EXOC3L4: variants seen among roughly 807,000 people sequenced by gnomAD.
The protein encoded by EXOC3L4 is exocyst complex component 3 like 4.
In EXOC3L4, 62 loss-of-function variants were observed where a neutral mutation model predicts 69.7. The ratio of observed to expected loss-of-function variants is 0.89; its 90% confidence interval spans 0.72 to 1.10. EXOC3L4 has a LOEUF of 1.10. EXOC3L4 is among the 50% of genes least tolerant of loss of function. EXOC3L4 has a pLI of 0.00. For synonymous variants in EXOC3L4, 502 were observed against 464.2 expected, an observed-to-expected ratio of 1.08 and a Z score of -1.05; for missense variants, 1,087 against 1,034.8, an observed-to-expected ratio of 1.05 and a Z score of -0.69.
At chr14:103,109,922 A>C in intron 11 of EXOC3L4, 109 bp from the exon 12 acceptor site, 1 of 1,192,442 alleles carries the variant, frequency 8.4e-7, no homozygotes, top group Non-Finnish European at 1.2e-6. Flanking sequence ...ACCATCCTGG[A>C]ATGCAGAGTG....
intron 1 of EXOC3L4, among the ~76,000 whole-genome samples, chr14:103,096,844 G>A (rs1043767828): frequency 1.3e-5 from 2 of 152,312 alleles, no homozygotes; most frequent in African/African-American, 4.8e-5. Flanking sequence ...AGCATTGAGG[G>A]GGCCTGGGAA....
chr14:103,109,209 TCTCC>T (rs1315767288), intron 11 of EXOC3L4, among the ~76,000 whole-genome samples: 1 of 55,352 alleles, frequency 1.8e-5, no homozygotes, highest in Non-Finnish European at 3.4e-5. Context: ...TGTCCCCATG[TCTCC>T]CTCCCTCCCT....
chr14:103,104,422 GTCTGT>G (rs1800706722), intron 5 of EXOC3L4, 33 bp downstream of exon 5: 1 of 1,523,718 alleles, frequency 6.6e-7, no homozygotes, highest in South Asian at 1.2e-5. Flanking sequence ...GAGAAGGGGC[GTCTGT>G]TCAAGCCTCA....
In EXOC3L4 at chr14:103,106,887, G is replaced by T; in HGVS notation, c.1569G>T (p.Gln523His). Residue 523 changes from glutamine (Q) to histidine (H), a missense_variant, in exon 8 of 12, where the codon CAG (glutamine) becomes CAT (histidine). Physicochemically the swap from Gln to His is conservative, Grantham distance 24. Transcript: ENST00000688303. ...SFQKHLLQGLQRELQPLFRVV... is the reference protein window; with the variant it reads ...SFQKHLLQGLHRELQPLFRVV... ...AGAAGCACTTGCTTCAGGGCTTGCA[G>T]CGTGAGTTGCAGGTGACTGTGATAG... The T allele has an allele frequency of 1.3e-6, 2 of 1,568,126 alleles. No individual in the cohort carries two copies.
intron 1 of EXOC3L4, among the ~76,000 whole-genome samples, chr14:103,095,946 T>C (rs902540262): frequency 1.3e-5 from 2 of 152,210 alleles, no homozygotes; most frequent in African/African-American, 4.8e-5. Context: ...CCTTAACTAG[T>C]TCTTCCAGCC....
chr14:103,104,682 C>A (rs1890431115), intron 5 of EXOC3L4, 56 bp from the exon 6 acceptor site: 4 of 1,395,818 alleles, frequency 2.9e-6, no homozygotes, highest in Non-Finnish European at 3.7e-6. Flanking sequence ...ACCAGGGGAC[C>A]CGCGGCCTCA....
rs934614512 is a variant in EXOC3L4 at position 103,102,588 on chromosome 14, G to A, written c.865G>A (p.Asp289Asn). 1.2e-5 allele frequency: 17 copies of A among 1,473,220 alleles called. No individual in the cohort carries two copies. The highest frequency in any genetic ancestry group is 1.8e-4 in the Middle Eastern group (1 of 5,490). 91.3% of individuals were successfully genotyped at this position (1,473,220 alleles called of 1,614,324 possible). ...LAELGGLVRR[D>N]LQKVRQEVQP... is the part of the protein sequence containing the mutation. ...CGAGCTGGGTGGCTTGGTTCGCCGC[G>A]ACCTGCAGAAGGTGCGGCAGGAGGT... Residue 289 changes from aspartate (D) to asparagine (N), a missense_variant, in exon 3 of 12, where the codon GAC (aspartate) becomes AAC (asparagine). Physicochemically the swap from Asp to Asn is conservative, Grantham distance 23. Transcript: ENST00000688303.
Position 103,110,078 on chromosome 14 carries a change from A to G in EXOC3L4, c.2024A>G (p.Gln675Arg), listed in dbSNP as rs729184. Residue 675 changes from glutamine to arginine, a missense_variant, in exon 12 of 12, where the codon CAG (glutamine) becomes CGG (arginine). By Grantham distance (43) the Gln-to-Arg change is conservative. Coordinates refer to ENST00000688303, the MANE Select transcript of EXOC3L4 (RefSeq NM_001077594.2). ...CTGGCGCTGCGCCGACTGGGCCGCCAGCGGAACCAGCATCTCTTGCAGCAC... is the reference window on the plus strand; with the variant it reads ...CTGGCGCTGCGCCGACTGGGCCGCCGGCGGAACCAGCATCTCTTGCAGCAC... The part of the protein sequence containing the change: ...AILALRRLGR[Q>R]RNQHLLQHTQ... 1,427,102 of 1,598,358 alleles carry G rather than the reference A, an allele frequency of 0.89. 641,690 individuals carry two copies. The highest frequency in any genetic ancestry group is 0.92 in the Non-Finnish European group (1,078,863 of 1,173,296).
At position 103,100,502 on chromosome 14, in the gene EXOC3L4, C is replaced by T. The variant is rs1360281178; in HGVS notation, c.283C>T (p.Pro95Ser). 6.2e-7 allele frequency: 1 copy of T among 1,613,044 alleles called. No homozygotes were observed. The highest frequency in any genetic ancestry group is 2.2e-5 in the East Asian group (1 of 44,872). ...CTTCCGGCAAGCCCTGAATGACGGC[C>T]CAGCTACCGGCCATTCCCAGGCCAC... ...RSFRQALNDG[P>S]ATGHSQATPE... Residue 95 changes from proline (P) to serine (S), a missense_variant, in exon 2 of 12, where the codon CCA becomes TCA. Coordinates refer to ENST00000688303, the MANE Select transcript of EXOC3L4 (RefSeq NM_001077594.2).
rs771553517 is a variant in EXOC3L4, at chr14:103,110,047, G to A, written c.1993G>A (p.Ala665Thr). 7.5e-6 allele frequency: 12 copies of A among 1,598,428 alleles called. No individual in the cohort carries two copies. The highest frequency in any genetic ancestry group is 9.4e-6 in the Non-Finnish European group (11 of 1,173,264). The change falls in exon 12 of 12, where the codon GCC becomes ACC. Residue 665 changes from alanine (A) to threonine (T), a missense_variant. Coordinates refer to ENST00000688303, the MANE Select transcript of EXOC3L4 (RefSeq NM_001077594.2). The stretch of plus-strand genomic sequence containing the variant: ...TCTCTGCAGGCGGGACCACATACTG[G>A]CCATTCTGGCGCTGCGCCGACTGGG... ...YPDIRRDHIL[A>T]ILALRRLGRQ...
intron 2 of EXOC3L4, among the ~76,000 whole-genome samples, chr14:103,101,050 G>T (rs779966899): frequency 6.6e-6 from 1 of 151,404 alleles, no homozygotes; most frequent in Non-Finnish European, 1.5e-5. Flanking sequence ...CTACAGGTGC[G>T]TGCCAACACA....
intron 3 of EXOC3L4, 128 bp from the exon 4 acceptor site, chr14:103,103,797 CGTGTGTGTGTGTGTGT>C (rs56147384): frequency 2.3e-6 from 1 of 432,430 alleles, no homozygotes; most frequent in South Asian, 3.7e-5. Context: ...GGCGCGCGCG[CGTGTGTGTGTGTGTGT>C]GTGTGTGTGT....
At position 103,102,191 on chromosome 14, in the gene EXOC3L4, G is replaced by A. The variant is rs1047287163; in HGVS notation, c.468G>A (p.Glu156=). ...CCTTCGAACAGCTTCTGCGCCTGGA[G>A]ACGCTGCTGGTGGCCGAGAAGGCCT... The part of the protein sequence containing the change: ...LAAFEQLLRL[E]TLLVAEKASR... The change falls in exon 3 of 12, where the codon GAG becomes GAA. Residue 156 remains glutamate (E), a synonymous_variant. Coordinates refer to ENST00000688303, the MANE Select transcript of EXOC3L4 (RefSeq NM_001077594.2). The A allele has an allele frequency of 2.5e-6, 4 of 1,600,686 alleles. No individual in the cohort carries two copies. The highest frequency in any genetic ancestry group is 3.4e-6 in the Non-Finnish European group (4 of 1,174,438).
intron 11 of EXOC3L4, among the ~76,000 whole-genome samples, chr14:103,109,642 A>G (rs140503736): frequency 0.21 from 12 of 58 alleles, 6 homozygotes; most frequent in Admixed American, 0.71. Context: ...CCCTGCCCCC[A>G]TGTCTCCCTC....
chr14:103,109,062 G>T (rs1174103810), intron 11 of EXOC3L4, among the ~76,000 whole-genome samples: 1 of 151,640 alleles, frequency 6.6e-6, no homozygotes, highest in Non-Finnish European at 1.5e-5. Flanking sequence ...GGCTCAGAGA[G>T]AGTGGCCCTT....
At chr14:103,100,175 C>T (rs1235068715) in intron 1 of EXOC3L4, 29 bp from the exon 2 acceptor site, 2 of 1,504,608 alleles carry the variant, frequency 1.3e-6, no homozygotes, top group South Asian at 1.3e-5. Context: ...TCTGCATCTG[C>T]TCCTATGGCC....
At chr14:103,105,812 C>T (rs1270278254) in intron 7 of EXOC3L4, among the ~76,000 whole-genome samples, 1 of 152,222 alleles carries the variant, frequency 6.6e-6, no homozygotes, top group East Asian at 1.9e-4. Flanking sequence ...TGAGCCTCCC[C>T]ATCTGGGTTT....
upstream of EXOC3L4, chr14:103,094,604 G>A (rs553408561): frequency 6.0e-5 from 9 of 149,498 alleles, 1 homozygote; most frequent in African/African-American, 1.7e-4. Context: ...CCTCCGGAAC[G>A]AAAAGGAAGT....
intron 2 of EXOC3L4, 47 bp from the exon 3 acceptor site, chr14:103,102,071 G>A (rs773978554): frequency 6.5e-7 from 1 of 1,546,356 alleles, no homozygotes; most frequent in Non-Finnish European, 8.7e-7. Context: ...TCCAGGTTCG[G>A]GTCTTGGGGC....
Sources: allele counts gnomAD v4.1 joint callset (sites outside exome capture counted in the v4.1 genomes callset), GRCh38; gene constraint gnomAD v4.1.1; transcripts MANE v1.5; gene names NCBI Gene and HGNC (gene_info 2026-07-23, HGNC 2026-07-21).